Variants in AFF3 observed in about 807,000 individuals in gnomAD.
AFF3 encodes ALF transcription elongation factor 3.
AFF3 carries 32 observed loss-of-function variants against 129.7 expected under a neutral mutation model. The observed-to-expected ratio is 0.25, with a 90% confidence interval of 0.19 to 0.33. The LOEUF is 0.33. AFF3 is among the 10% of genes least tolerant of loss of function. The pLI, the probability that AFF3 is intolerant of heterozygous loss-of-function variation, is 1.00. For synonymous variants in AFF3, 644 were observed against 635.4 expected, an observed-to-expected ratio of 1.01 and a Z score of -0.20; for missense variants, 1,373 against 1,592.0, an observed-to-expected ratio of 0.86 and a Z score of 2.34.
chr2:100,014,524 G>A (rs1395489353), intron 4 of AFF3, among the ~76,000 whole-genome samples: 3 of 152,184 alleles, frequency 2.0e-5, no homozygotes, highest in Non-Finnish European at 4.4e-5. Flanking sequence ...GGAGAATGGG[G>A]AAAAGGAAGA....
chr2:99,656,991 A>G (rs1685804908), intron 12 of AFF3, among the ~76,000 whole-genome samples: 1 of 152,196 alleles, frequency 6.6e-6, no homozygotes, highest in Non-Finnish European at 1.5e-5. Flanking sequence ...GACTGGAGTC[A>G]GAGACAAAAC....
chr2:99,888,930 AG>A (rs1305364074), intron 7 of AFF3, among the ~76,000 whole-genome samples: 1 of 152,236 alleles, frequency 6.6e-6, no homozygotes, highest in African/African-American at 2.4e-5. Flanking sequence ...GTAAGAAAAC[AG>A]GACCGTCAAT....
At chr2:99,998,718 C>T (rs1162503244) in intron 7 of AFF3, among the ~76,000 whole-genome samples, 1 of 152,108 alleles carries the variant, frequency 6.6e-6, no homozygotes, top group Admixed American at 6.5e-5. Context: ...ACATACACGG[C>T]TTATGTTCAC....
At chr2:99,562,366 G>T (rs1330262398) in intron 20 of AFF3, among the ~76,000 whole-genome samples, 1 of 151,976 alleles carries the variant, frequency 6.6e-6, no homozygotes, top group Non-Finnish European at 1.5e-5. Flanking sequence ...CTTCTTTACT[G>T]CTCAGATTGG....
intron 24 of AFF3, 136 bp from the exon 25 acceptor site, chr2:99,551,731 A>C (rs1187035552): frequency 1.8e-6 from 2 of 1,119,916 alleles, no homozygotes; most frequent in Non-Finnish European, 2.5e-6. Flanking sequence ...TAACTTTAGC[A>C]TTCCTTTGAA....
chr2:99,781,102 A>G (rs1192208639), intron 8 of AFF3, among the ~76,000 whole-genome samples: 1 of 152,124 alleles, frequency 6.6e-6, no homozygotes, highest in African/African-American at 2.4e-5. Flanking sequence ...ACTCTACTTT[A>G]GTTACAATGA....
At chr2:100,020,868 C>A (rs1461328030) in intron 4 of AFF3, among the ~76,000 whole-genome samples, 1 of 152,210 alleles carries the variant, frequency 6.6e-6, no homozygotes, top group South Asian at 2.1e-4. Flanking sequence ...CCAGCCCAAT[C>A]GTTCCTCCCC....
intron 10 of AFF3, among the ~76,000 whole-genome samples, chr2:99,729,705 G>A (rs993015645): frequency 4.6e-5 from 7 of 151,898 alleles, no homozygotes; most frequent in Admixed American, 3.3e-4. Context: ...GAACATTCTA[G>A]AACATTAGTA....
At chr2:99,619,726 G>A (rs886867009) in intron 13 of AFF3, among the ~76,000 whole-genome samples, 7 of 152,088 alleles carry the variant, frequency 4.6e-5, no homozygotes, top group African/African-American at 1.4e-4. Flanking sequence ...AGGTGGATTC[G>A]CCTCACTCCT....
At position 99,672,542 on chromosome 2, in the gene AFF3, T is replaced by A. The variant is rs1687259609; in HGVS notation, c.1139A>T (p.Glu380Val). 1 of 1,613,846 alleles carries A rather than the reference T, an allele frequency of 6.2e-7. No individual in the cohort carries two copies. The highest frequency in any genetic ancestry group is 8.5e-7 in the Non-Finnish European group (1 of 1,179,850). ...LKLSSDEEEN[E>V]QQAAQRTALR... is the part of the protein sequence containing the mutation. ...TGACATAAAAGAGAATCTTACCTGT[T>A]CATTCTCCTCTTCATCACTGCTTAG... The change falls in exon 12 of 25, where the codon GAA (glutamate) becomes GTA (valine). Residue 380 changes from glutamate (E) to valine (V), a missense_variant. Coordinates refer to ENST00000672756, the MANE Select transcript of AFF3 (RefSeq NM_001386135.1).
intron 11 of AFF3, among the ~76,000 whole-genome samples, chr2:99,718,793 C>G (rs1000525922): frequency 9.2e-5 from 14 of 151,774 alleles, no homozygotes; most frequent in African/African-American, 3.4e-4. Flanking sequence ...CTCTGTTGGC[C>G]AGGCTGGACT....
chr2:100,073,282 A>G (rs894775333), intron 4 of AFF3, among the ~76,000 whole-genome samples: 4 of 152,230 alleles, frequency 2.6e-5, no homozygotes, highest in Non-Finnish European at 5.9e-5. Context: ...TGAAAAGGGG[A>G]CACGTGGACA....
intron 7 of AFF3, among the ~76,000 whole-genome samples, chr2:99,845,499 T>C (rs1195599552): frequency 6.6e-6 from 1 of 152,178 alleles, no homozygotes; most frequent in African/African-American, 2.4e-5. Flanking sequence ...TATTGAGTGC[T>C]TATCCATGGG....
At chr2:100,031,508 C>T (rs1176440524) in intron 4 of AFF3, among the ~76,000 whole-genome samples, 1 of 152,172 alleles carries the variant, frequency 6.6e-6, no homozygotes, top group East Asian at 1.9e-4. Context: ...TGACCCTACA[C>T]CCAGTAGCAA....
chr2:100,106,729 C>T, intron 2 of AFF3: 1 of 986,000 alleles, frequency 1.0e-6, no homozygotes, highest in Non-Finnish European at 1.2e-6. Context: ...CCTTCCCTTC[C>T]CACCACATCT....
chr2:99,940,053 C>T (rs915866623), intron 7 of AFF3, among the ~76,000 whole-genome samples: 3 of 152,124 alleles, frequency 2.0e-5, no homozygotes, highest in African/African-American at 4.8e-5. Flanking sequence ...TCAGTAACTT[C>T]CACTGCCAAA....
rs1304982504 is a variant in AFF3 at position 99,593,686 on chromosome 2, C to T, written c.1975G>A (p.Val659Ile). Residue 659 changes from valine to isoleucine, a missense_variant, in exon 15 of 25, where the codon GTC becomes ATC. By Grantham distance (29) the Val-to-Ile change is conservative (BLOSUM62 3). Coordinates refer to ENST00000672756, the MANE Select transcript of AFF3 (RefSeq NM_001386135.1). ...TCAATGAACTCCTTGGATTTGGGGA[C>T]GATCCTGCTTAGCCCCCGCGTGCGG... ...KRRTRGLSRI[V>I]PKSKEFIETE... The T allele has an allele frequency of 1.9e-6, 3 of 1,604,682 alleles. No individual in the cohort carries two copies. Among genetic ancestry groups the T allele is most frequent in the East Asian group, 4.5e-5 (2 of 44,614 alleles).
At chr2:99,827,197 G>C (rs978786875) in intron 8 of AFF3, among the ~76,000 whole-genome samples, 1 of 152,180 alleles carries the variant, frequency 6.6e-6, no homozygotes, top group Non-Finnish European at 1.5e-5. Flanking sequence ...AGACACACTT[G>C]AGACCCATCC....
chr2:99,581,462 T>G (rs1677534133), intron 17 of AFF3, among the ~76,000 whole-genome samples: 1 of 152,030 alleles, frequency 6.6e-6, no homozygotes, highest in African/African-American at 2.4e-5. Context: ...ATTCATGGGA[T>G]AAAGTGTTAC....
Sources: allele counts gnomAD v4.1 joint callset (sites outside exome capture counted in the v4.1 genomes callset), GRCh38; gene constraint gnomAD v4.1.1; transcripts MANE v1.5; gene names NCBI Gene and HGNC (gene_info 2026-07-23, HGNC 2026-07-21).